Variants in CDK6 observed in about 807,000 individuals in gnomAD.
CDK6 encodes the protein cyclin-dependent kinase 6.
CDK6 carries 6 observed loss-of-function variants against 37.1 expected under a neutral mutation model. The observed-to-expected ratio is 0.16, with a 90% CI of 0.09 to 0.32. The LOEUF is 0.32. Among genes scored for constraint, CDK6 ranks in the 10% least tolerant of loss-of-function variants. The probability of loss-of-function intolerance (pLI) is 1.00; values close to 1 mark genes in which losing one functional copy is unlikely to be tolerated. For missense variants in CDK6, 224 were observed against 418.9 expected, an observed-to-expected ratio of 0.53 and a Z score of 4.06; for synonymous variants, 160 against 161.3, an observed-to-expected ratio of 0.99 and a Z score of 0.06.
intron 5 of CDK6, among the ~76,000 whole-genome samples, chr7:92,660,703 G>A (rs1796815263): frequency 6.6e-6 from 1 of 152,186 alleles, no homozygotes; most frequent in South Asian, 2.1e-4. Flanking sequence ...CCAGATTGGA[G>A]GGGCCCCATG....
intron 4 of CDK6, among the ~76,000 whole-genome samples, chr7:92,687,885 G>T (rs1357945768): frequency 2.6e-5 from 4 of 152,062 alleles, no homozygotes; most frequent in African/African-American, 9.7e-5. Context: ...TCATATAAAG[G>T]AATCATGTGT....
intron 3 of CDK6, among the ~76,000 whole-genome samples, chr7:92,765,903 T>C (rs1163191756): frequency 6.6e-6 from 1 of 152,116 alleles, no homozygotes; most frequent in Non-Finnish European, 1.5e-5. Flanking sequence ...GATGAAGACA[T>C]GACATGAGCT....
intron 2 of CDK6, among the ~76,000 whole-genome samples, chr7:92,792,145 T>C (rs998166356): frequency 2.0e-5 from 3 of 152,086 alleles, no homozygotes; most frequent in Admixed American, 6.6e-5. Context: ...TATAGACAGA[T>C]TGGTTACAGA....
At chr7:92,755,687 TGC>T (rs1457356656) in intron 3 of CDK6, among the ~76,000 whole-genome samples, 1 of 152,196 alleles carries the variant, frequency 6.6e-6, no homozygotes, top group Non-Finnish European at 1.5e-5. Context: ...ATCTCCAAAG[TGC>T]ATTAGATATA....
chr7:92,642,597 T>A (rs1796336609), intron 5 of CDK6, among the ~76,000 whole-genome samples: 1 of 152,190 alleles, frequency 6.6e-6, no homozygotes, highest in Non-Finnish European at 1.5e-5. Context: ...AACAGGAAGT[T>A]CAGTGGCTAA....
chr7:92,745,595 C>A (rs778730148), intron 3 of CDK6, among the ~76,000 whole-genome samples: 6 of 152,130 alleles, frequency 3.9e-5, no homozygotes, highest in Admixed American at 3.3e-4. Context: ...TGTGGTACTT[C>A]GCTCTTTGAA....
intron 5 of CDK6, among the ~76,000 whole-genome samples, chr7:92,636,815 G>A (rs557903836): frequency 3.3e-5 from 5 of 152,064 alleles, no homozygotes; most frequent in South Asian, 4.1e-4. Context: ...ACAGGCATGC[G>A]CCACCATGCT....
At chr7:92,697,917 T>G (rs1797757754) in intron 4 of CDK6, among the ~76,000 whole-genome samples, 1 of 152,214 alleles carries the variant, frequency 6.6e-6, no homozygotes, top group Non-Finnish European at 1.5e-5. Context: ...CTATCACAAA[T>G]TTTCATGTTT....
At chr7:92,714,205 C>G (rs529238456) in intron 4 of CDK6, among the ~76,000 whole-genome samples, 8 of 152,106 alleles carry the variant, frequency 5.3e-5, no homozygotes, top group African/African-American at 1.9e-4. Flanking sequence ...GGGAGTTGGG[C>G]AGACTTCAGA....
At chr7:92,719,521 T>C (rs1262081158) in intron 4 of CDK6, among the ~76,000 whole-genome samples, 3 of 152,206 alleles carry the variant, frequency 2.0e-5, no homozygotes, top group Non-Finnish European at 2.9e-5. Flanking sequence ...GAAGGTAATA[T>C]GGAAAAAAAG....
chr7:92,743,677 A>G lies in CDK6; in HGVS notation c.370-17884T>C, dbSNP rs567423857. ...ATAAGATATCATTACAATGGTTTAA[A>G]CTGACTATATCAAGAGTTGACAAAG... is the stretch of plus-strand genomic sequence containing the variant. On this transcript the variant is annotated intron_variant, in intron 3 of 7. Transcript: ENST00000424848. 1.2e-3 allele frequency among the ~76,000 whole-genome samples: 184 copies of G among 152,328 alleles called. 1 individual carries two copies. Among genetic ancestry groups the G allele is most frequent in the African/African-American group, 4.3e-3 (177 of 41,578 alleles).
Position 92,609,504 on chromosome 7 carries a change from T to C in CDK6, c.*5636A>G. The C allele has an allele frequency of 4.4e-6, 1 of 229,116 alleles. No individual in the cohort carries two copies. The highest frequency in any genetic ancestry group is 5.7e-5 in the Admixed American group (1 of 17,674). 14.2% of individuals were successfully genotyped at this position (229,116 alleles called of 1,614,324 possible). ...ACAAATGTTAAAATTACCTGGTCTT[T>C]TGGTATTTTAGGGCTCTGTTTCAAT... On this transcript the variant is annotated 3_prime_UTR_variant, in exon 8 of 8. Transcript: ENST00000424848.
In CDK6 at chr7:92,606,543, C is replaced by G. The variant is rs1380891065; in HGVS notation, c.*8597G>C. ...ATGTTGGTCATCTTGGGCTGGTTCA[C>G]ACAGCCTAGATGAGTATCTGATATA... On this transcript the variant is annotated 3_prime_UTR_variant, in exon 8 of 8. Coordinates refer to ENST00000424848, the MANE Select transcript of CDK6 (RefSeq NM_001145306.2). The G allele has an allele frequency of 8.6e-6, 2 of 233,130 alleles. No individual in the cohort carries two copies. Among genetic ancestry groups the G allele is most frequent in the Non-Finnish European group, 1.7e-5 (2 of 118,042 alleles). 14.4% of individuals were successfully genotyped at this position (233,130 alleles called of 1,614,324 possible).
chr7:92,632,226 C>T (rs542525305), intron 5 of CDK6, among the ~76,000 whole-genome samples: 2 of 152,224 alleles, frequency 1.3e-5, no homozygotes, highest in Non-Finnish European at 2.9e-5. Flanking sequence ...CTTTCTGAGG[C>T]TGAAGGTTTT....
At chr7:92,631,687 C>T (rs552393580) in intron 5 of CDK6, among the ~76,000 whole-genome samples, 2 of 152,274 alleles carry the variant, frequency 1.3e-5, no homozygotes, top group South Asian at 2.1e-4. Context: ...GAGGCAACCA[C>T]AACTAGGGGG....
At chr7:92,794,892 T>A (rs780005867) in intron 2 of CDK6, among the ~76,000 whole-genome samples, 10 of 102,138 alleles carry the variant, frequency 9.8e-5, no homozygotes, top group Non-Finnish European at 1.6e-4. Context: ...GGTGTGATAA[T>A]AAAGATGTTG....
At chr7:92,673,627 A>G (rs541660503) in intron 4 of CDK6, among the ~76,000 whole-genome samples, 1 of 152,244 alleles carries the variant, frequency 6.6e-6, no homozygotes, top group Admixed American at 6.5e-5. Flanking sequence ...TCACATCTAT[A>G]CTGCACCACT....
intron 5 of CDK6, among the ~76,000 whole-genome samples, chr7:92,668,960 G>C (rs1038636339): frequency 2.0e-5 from 3 of 152,144 alleles, no homozygotes; most frequent in African/African-American, 7.2e-5. Context: ...TTTGTGCAAG[G>C]CTTCTGGAGA....
At chr7:92,716,861 A>T (rs1343517684) in intron 4 of CDK6, among the ~76,000 whole-genome samples, 1 of 152,230 alleles carries the variant, frequency 6.6e-6, no homozygotes, top group African/African-American at 2.4e-5. Context: ...AAACTAGCAC[A>T]GAGGCATATT....
Sources: gnomAD v4.1 joint callset for allele counts (sites outside exome capture counted in the v4.1 genomes callset) on GRCh38, gnomAD v4.1.1 for gene constraint, MANE v1.5 for transcripts, NCBI Gene and HGNC (gene_info 2026-07-23, HGNC 2026-07-21) for gene names.